The following GABPB2 variants were observed in gnomAD, a reference collection of about 807,000 sequenced individuals.
GABPB2 encodes the protein GA binding protein transcription factor subunit beta 2.
A neutral mutation model predicts 39.1 loss-of-function variants in GABPB2; 23 were observed. That is an observed-to-expected ratio of 0.59 (90% CI 0.42 to 0.83). The LOEUF is 0.83. Among genes scored for constraint, GABPB2 ranks in the 40% least tolerant of loss-of-function variants. GABPB2 has a pLI of 0.00. For synonymous variants in GABPB2, 184 were observed against 199.3 expected, an observed-to-expected ratio of 0.92 and a Z score of 0.65; for missense variants, 467 against 541.1, an observed-to-expected ratio of 0.86 and a Z score of 1.36.
chr1:151,125,525 A>C lies in GABPB2; in HGVS notation c.*7269A>C, dbSNP rs888620106. 6.6e-6 allele frequency: 1 copy of C among 152,030 alleles called. No individual in the cohort carries two copies. The highest frequency in any genetic ancestry group is 1.5e-5 in the Non-Finnish European group (1 of 68,010). The allele number at this position is 152,030 out of a possible 1,614,324, so 9.4% of individuals were successfully genotyped here. Reference sequence around the variant, plus strand: ...TCATTTAAAATAAAAATGTTTCTCAATAAAATGTCAAAGCCGACCATTTCA... The same window carrying C: ...TCATTTAAAATAAAAATGTTTCTCACTAAAATGTCAAAGCCGACCATTTCA... On this transcript the variant is annotated 3_prime_UTR_variant, in exon 9 of 9. Coordinates refer to ENST00000368918, the MANE Select transcript of GABPB2 (RefSeq NM_144618.3).
chr1:151,104,305 T>C (rs1164345994), intron 6 of GABPB2, among the ~76,000 whole-genome samples: 2 of 152,338 alleles, frequency 1.3e-5, no homozygotes, highest in East Asian at 1.9e-4. Flanking sequence ...TAGGGCTCAG[T>C]AGACATTTAG....
At chr1:151,073,414 C>CA (rs1447660367) in intron 1 of GABPB2, among the ~76,000 whole-genome samples, 12 of 152,108 alleles carry the variant, frequency 7.9e-5, no homozygotes, top group Non-Finnish European at 1.3e-4. Flanking sequence ...TGTCTGTAGT[C>CA]AAGGAGTCAG....
Position 151,121,813 on chromosome 1 carries a change from A to T in GABPB2, c.*3557A>T, listed in dbSNP as rs935961057. On this transcript the variant is annotated 3_prime_UTR_variant, in exon 9 of 9. Coordinates refer to ENST00000368918, the MANE Select transcript of GABPB2 (RefSeq NM_144618.3). ...AAAGGGAATATGGATGGAGAGAGAGAGGTTATGAACAGGTTATGTTACAGA... is the reference window on the plus strand; with the variant it reads ...AAAGGGAATATGGATGGAGAGAGAGTGGTTATGAACAGGTTATGTTACAGA... The T allele has an allele frequency of 2.0e-5, 3 of 152,130 alleles. No individual in the cohort carries two copies. The highest frequency in any genetic ancestry group is 4.4e-5 in the Non-Finnish European group (3 of 68,042). 9.4% of individuals were successfully genotyped at this position (152,130 alleles called of 1,614,324 possible). A position where few individuals can be genotyped will look rare whatever the true frequency, so the allele number is the denominator to read the frequency against.
At position 151,107,171 on chromosome 1, in the gene GABPB2, A is replaced by G. The variant is rs1444987101; in HGVS notation, c.871A>G (p.Thr291Ala). The change falls in exon 7 of 9, where the codon ACT becomes GCT. Residue 291 changes from threonine (T) to alanine (A), a missense_variant. Physicochemically the swap from Thr to Ala is moderately conservative, Grantham distance 58. Coordinates refer to ENST00000368918, the MANE Select transcript of GABPB2 (RefSeq NM_144618.3). Reference sequence around the variant, plus strand: ...GGGTAATATCCAAACTTCAATCCCTACTGGAGGCATTGGCCAGCCATTTAT... The same window carrying G: ...GGGTAATATCCAAACTTCAATCCCTGCTGGAGGCATTGGCCAGCCATTTAT... ...PLGNIQTSIP[T>A]GGIGQPFIVT... 1.2e-6 allele frequency: 2 copies of G among 1,608,590 alleles called. No homozygotes were observed. The highest frequency in any genetic ancestry group is 4.5e-5 in the East Asian group (2 of 44,676).
rs866852301 is a variant in GABPB2 at position 151,097,793 on chromosome 1, A to C, written c.472-59A>C. 3.7e-5 allele frequency: 56 copies of C among 1,532,064 alleles called. No individual in the cohort carries two copies. The African/African-American group carries it at 4.9e-4, about 13-fold the overall frequency. 94.9% of individuals were successfully genotyped at this position (1,532,064 alleles called of 1,614,324 possible). ...GACTGTCTCAAAAAAAAAAAAAAGAAAGACAGAAAAGAAAAGCTAATAAGT... is the reference window on the plus strand; with the variant it reads ...GACTGTCTCAAAAAAAAAAAAAAGACAGACAGAAAAGAAAAGCTAATAAGT... On this transcript the variant is annotated intron_variant, in intron 4 of 8. Coordinates refer to ENST00000368918, the MANE Select transcript of GABPB2 (RefSeq NM_144618.3).
rs1243891031 is a variant in GABPB2 at position 151,124,080 on chromosome 1, C to A, written c.*5824C>A. On this transcript the variant is annotated 3_prime_UTR_variant, in exon 9 of 9. Coordinates refer to ENST00000368918, the MANE Select transcript of GABPB2 (RefSeq NM_144618.3). ...AAAAAAAAAAAAAAGAGGCCGGGCG[C>A]GGTGGCTCACAAAAAAAAAAAAAAG... is the stretch of plus-strand genomic sequence containing the variant. 3 of 73,652 alleles carry A rather than the reference C, an allele frequency of 4.1e-5. No homozygotes were observed. Among genetic ancestry groups the A allele is most frequent in the Non-Finnish European group, 5.5e-5 (2 of 36,354 alleles). 4.6% of individuals were successfully genotyped at this position (73,652 alleles called of 1,614,324 possible).
intron 3 of GABPB2, among the ~76,000 whole-genome samples, chr1:151,092,100 A>ATTTTTT (rs34298127): frequency 3.4e-5 from 2 of 58,100 alleles, no homozygotes; most frequent in African/African-American, 6.4e-5. Context: ...CAGTTTTCTA[A>ATTTTTT]TTTTTTTTTT....
At chr1:151,090,993 G>GTC (rs1217575803) in intron 3 of GABPB2, among the ~76,000 whole-genome samples, 2 of 149,822 alleles carry the variant, frequency 1.3e-5, no homozygotes, top group African/African-American at 4.9e-5. Context: ...GCAAGAATCC[G>GTC]TCTCAAAACA....
intron 7 of GABPB2, among the ~76,000 whole-genome samples, chr1:151,114,202 AT>A (rs946190404): frequency 6.6e-5 from 10 of 151,884 alleles, no homozygotes; most frequent in Admixed American, 3.3e-4. Flanking sequence ...AAAAAAAAAA[AT>A]ATATTAGCCA....
At chr1:151,077,789 A>G (rs1677307477) in intron 1 of GABPB2, among the ~76,000 whole-genome samples, 1 of 150,696 alleles carries the variant, frequency 6.6e-6, no homozygotes, top group South Asian at 2.1e-4. Flanking sequence ...TGTCTCTACT[A>G]AAAATACAAA....
intron 4 of GABPB2, among the ~76,000 whole-genome samples, chr1:151,094,386 C>G (rs1282463998): frequency 7.4e-6 from 1 of 135,820 alleles, no homozygotes; most frequent in Non-Finnish European, 1.6e-5. Flanking sequence ...CCCCCGACCC[C>G]GAGATAGAGT....
intron 3 of GABPB2, among the ~76,000 whole-genome samples, chr1:151,091,680 T>G (rs182507918): frequency 1.3e-5 from 2 of 151,916 alleles, no homozygotes; most frequent in African/African-American, 2.4e-5. Flanking sequence ...GGTTTCACTG[T>G]GTTGGCCAGG....
chr1:151,080,232 A>AAAC (rs1558126325), intron 1 of GABPB2, among the ~76,000 whole-genome samples: 2 of 118,944 alleles, frequency 1.7e-5, no homozygotes, highest in Non-Finnish European at 3.5e-5. Flanking sequence ...AAAAAAAAAA[A>AAAC]AAAAAAAAAA....
rs1175300088 is a variant in GABPB2 at position 151,118,178 on chromosome 1, G to A, written c.1269G>A (p.Glu423=). The A allele has an allele frequency of 2.5e-6, 4 of 1,614,174 alleles. No homozygotes were observed. Among genetic ancestry groups the A allele is most frequent in the Non-Finnish European group, 3.4e-6 (4 of 1,180,048 alleles). ...AVVVTEGELE[E]RETKVTGSAG... ...TAGTCACAGAGGGGGAGTTGGAAGA[G>A]AGAGAGACAAAAGTGACTGGGTCAG... Residue 423 remains glutamate (E), a synonymous_variant, in exon 9 of 9, where the codon GAG becomes GAA. Coordinates refer to ENST00000368918, the MANE Select transcript of GABPB2 (RefSeq NM_144618.3).
At chr1:151,082,300 C>T (rs1677786313) in intron 1 of GABPB2, among the ~76,000 whole-genome samples, 1 of 150,002 alleles carries the variant, frequency 6.7e-6, no homozygotes, top group South Asian at 2.1e-4. Flanking sequence ...TGGTCTCAAA[C>T]TCCTGACCTC....
At chr1:151,097,510 G>A (rs150605728) in intron 4 of GABPB2, among the ~76,000 whole-genome samples, 2 of 152,122 alleles carry the variant, frequency 1.3e-5, no homozygotes, top group Admixed American at 6.6e-5. Context: ...GGCTGGGCAC[G>A]GTGGCTCAAG....
Position 151,090,165 on chromosome 1 carries a change from A to G in GABPB2, c.109-241A>G, listed in dbSNP as rs184183650. 3.2e-3 allele frequency among the ~76,000 whole-genome samples: 494 copies of G among 152,138 alleles called. 2 individuals carry two copies. Among genetic ancestry groups the G allele is most frequent in the South Asian group, 8.3e-3 (40 of 4,816 alleles). ...CACCATGTTGGCCAGAAGAGTCTTG[A>G]ACTCCTGACCTCAGGTGATCTGCCC... On this transcript the variant is annotated intron_variant, in intron 2 of 8. Transcript: ENST00000368918.
intron 1 of GABPB2, among the ~76,000 whole-genome samples, chr1:151,073,529 C>T (rs1676895797): frequency 6.6e-6 from 1 of 152,196 alleles, no homozygotes; most frequent in Non-Finnish European, 1.5e-5. Context: ...GGACAAGATA[C>T]TGGGAGAATG....
At chr1:151,082,548 G>A (rs587749934) in intron 1 of GABPB2, among the ~76,000 whole-genome samples, 214 of 149,264 alleles carry the variant, frequency 1.4e-3, no homozygotes, top group Non-Finnish European at 2.4e-3. Flanking sequence ...GACTACAGGC[G>A]CCCACCACCA....
Sources: allele counts gnomAD v4.1 joint callset (sites outside exome capture counted in the v4.1 genomes callset), GRCh38; gene constraint gnomAD v4.1.1; transcripts MANE v1.5; gene names NCBI Gene and HGNC (gene_info 2026-07-23, HGNC 2026-07-21).